Variants in CACNA1G observed in about 807,000 individuals in gnomAD.
The protein encoded by CACNA1G is voltage-dependent T-type calcium channel subunit alpha-1G.
A neutral mutation model predicts 219.4 loss-of-function variants in CACNA1G; 67 were observed. That is an observed-to-expected ratio of 0.31 (90% CI 0.25 to 0.37). CACNA1G has a LOEUF of 0.37. CACNA1G is among the 10% of genes least tolerant of loss of function. CACNA1G has a pLI of 1.00. For missense variants in CACNA1G, 2,380 were observed against 3,231.4 expected (o/e 0.74, Z 6.39); for synonymous variants, 1,296 against 1,345.3 (o/e 0.96, Z 0.80).
intron 1 of CACNA1G, among the ~76,000 whole-genome samples, chr17:50,567,293 G>A (rs2144559460): frequency 6.6e-6 from 1 of 152,294 alleles, no homozygotes; most frequent in Admixed American, 6.5e-5. Flanking sequence ...AAACTGCAGT[G>A]CATTAGGACT....
intron 5 of CACNA1G, among the ~76,000 whole-genome samples, chr17:50,572,293 G>A (rs1366966446): frequency 6.6e-6 from 1 of 152,144 alleles, no homozygotes; most frequent in African/African-American, 2.4e-5. Context: ...AACCCCTCCA[G>A]TGATCCTAAC....
rs776010942 is a variant in CACNA1G, at chr17:50,616,369, G to A, written c.5006G>A (p.Arg1669Gln). The change falls in exon 28 of 38, where the codon CGG becomes CAG. Residue 1669 changes from arginine (R) to glutamine (Q), a missense_variant. Transcript: ENST00000359106. ...VFKLVAFGFR[R>Q]FFQDRWNQLD... is the part of the protein sequence containing the mutation. ...AAACTTGTGGCCTTTGGTTTCCGTC[G>A]GTTCTTCCAGGACAGGTAACGGAGA... The A allele has an allele frequency of 6.8e-6, 11 of 1,608,804 alleles. No individual in the cohort carries two copies. The highest frequency in any genetic ancestry group is 9.4e-6 in the Non-Finnish European group (11 of 1,175,332).
Position 50,607,820 on chromosome 17 carries a change from C to T in CACNA1G, c.4513-7C>T, listed in dbSNP as rs773617865. The T allele has an allele frequency of 6.8e-6, 11 of 1,612,842 alleles. No homozygotes were observed. In the Admixed American group the frequency reaches 1.3e-4, roughly 20 times the overall value. Reference sequence around the variant, plus strand: ...TGCCTCCGCCTGTCCTTCCTGCTCCCCGCCAGCCCATCATGAACCACAACC... The same window carrying T: ...TGCCTCCGCCTGTCCTTCCTGCTCCTCGCCAGCCCATCATGAACCACAACC... On this transcript the variant is annotated splice_region_variant and splice_polypyrimidine_tract_variant and intron_variant, in intron 24 of 37. Transcript: ENST00000359106.
intron 26 of CACNA1G, among the ~76,000 whole-genome samples, chr17:50,614,669 A>T (rs1344291308): frequency 1.3e-5 from 2 of 152,232 alleles, no homozygotes; most frequent in Non-Finnish European, 2.9e-5. Context: ...ACCCAGGAGC[A>T]GGCTGGGCAG....
At chr17:50,583,941 C>T (rs541535923) in intron 9 of CACNA1G, among the ~76,000 whole-genome samples, 1 of 152,126 alleles carries the variant, frequency 6.6e-6, no homozygotes, top group South Asian at 2.1e-4. Context: ...GCTATGGGAA[C>T]GAGGGGTTGT....
At chr17:50,569,426 T>C (rs1346857131) in intron 3 of CACNA1G, 128 bp downstream of exon 3, 5 of 988,230 alleles carry the variant, frequency 5.1e-6, no homozygotes, top group Non-Finnish European at 7.6e-6. Flanking sequence ...GGCTATCTCC[T>C]GAGGGTCTGA....
chr17:50,600,876 C>G lies in CACNA1G; in HGVS notation c.3791+50C>G, dbSNP rs568614947. The G allele has an allele frequency of 6.3e-7, 1 of 1,577,472 alleles. No homozygotes were observed. The highest frequency in any genetic ancestry group is 1.3e-5 in the African/African-American group (1 of 74,406). ...CCTGTGTCCCGACCTCTTCTTCTCA[C>G]GGGAAATTACCGCTGGTGATGCTGT... On this transcript the variant is annotated intron_variant, in intron 18 of 37. Transcript: ENST00000359106. This position sits in a 1 kb window ranked among gnomAD's most constrained non-coding sequence, Gnocchi z 4.1.
At chr17:50,604,954 C>G (rs1406983044) in intron 22 of CACNA1G, among the ~76,000 whole-genome samples, 2 of 152,186 alleles carry the variant, frequency 1.3e-5, no homozygotes, top group Non-Finnish European at 2.9e-5. Context: ...CCCTCCCCGC[C>G]CCTCGTTCCC....
At position 50,596,522 on chromosome 17, in the gene CACNA1G, C is replaced by G. The variant is rs755901912; in HGVS notation, c.2980-40C>G. On this transcript the variant is annotated intron_variant, in intron 14 of 37. Coordinates refer to ENST00000359106, the MANE Select transcript of CACNA1G (RefSeq NM_018896.5). This position sits in a 1 kb window ranked among gnomAD's most constrained non-coding sequence, Gnocchi z 4.8. The stretch of plus-strand genomic sequence containing the variant: ...CCCGGTCCATCCCAACCACCCAAGC[C>G]TGGCCGGATCCCTAATGGTCCGCTG... The G allele has an allele frequency of 3.2e-6, 5 of 1,574,660 alleles. No individual in the cohort carries two copies. The highest frequency in any genetic ancestry group is 4.4e-6 in the Non-Finnish European group (5 of 1,144,538).
chr17:50,616,417 C>T (rs767095771), intron 28 of CACNA1G, 33 bp downstream of exon 28: 11 of 1,271,160 alleles, frequency 8.7e-6, no homozygotes, highest in South Asian at 3.6e-5. Context: ...TGGGGACTTG[C>T]GTAGAGATAG....
chr17:50,606,574 A>T (rs145247213), intron 23 of CACNA1G: 1 of 544,340 alleles, frequency 1.8e-6, no homozygotes, highest in African/African-American at 1.9e-5. Context: ...GCAGAAACAG[A>T]AATGCAGAAA....
chr17:50,579,054 G>C (rs1419844974), intron 9 of CACNA1G, among the ~76,000 whole-genome samples: 1 of 152,118 alleles, frequency 6.6e-6, no homozygotes, highest in Non-Finnish European at 1.5e-5. Context: ...TGGAATGAAG[G>C]CCTGTTGGGG....
intron 10 of CACNA1G, among the ~76,000 whole-genome samples, chr17:50,591,227 G>A (rs187414082): frequency 3.1e-4 from 47 of 152,338 alleles, no homozygotes; most frequent in Admixed American, 2.5e-3. Flanking sequence ...TCTCTGGCAG[G>A]GAGGAGAGGG....
intron 11 of CACNA1G, 46 bp downstream of exon 11, chr17:50,591,666 G>A (rs1372477813): frequency 1.4e-5 from 22 of 1,608,436 alleles, no homozygotes; most frequent in South Asian, 5.5e-5. Context: ...CGGCCAGGCT[G>A]GGGGCAGGAG....
At chr17:50,573,161 C>T (rs1171013443) in intron 7 of CACNA1G, 48 bp downstream of exon 7, 19 of 1,350,382 alleles carry the variant, frequency 1.4e-5, no homozygotes, top group Non-Finnish European at 1.8e-5. Flanking sequence ...CCTGGGGACA[C>T]CTGTGGGGGC....
chr17:50,561,621 G>C lies in CACNA1G; in HGVS notation c.162G>C (p.Pro54=), dbSNP rs775655822. 3 of 1,598,160 alleles carry C rather than the reference G, an allele frequency of 1.9e-6. No homozygotes were observed. The South Asian group carries it at 3.4e-5, about 18-fold the overall frequency. The change falls in exon 1 of 38, where the codon CCG becomes CCC. Residue 54 remains proline (P), a synonymous_variant. Coordinates refer to ENST00000359106, the MANE Select transcript of CACNA1G (RefSeq NM_018896.5). ...ADSEAEGLPY[P]ALAPVVFFYL... is the part of the protein sequence containing the mutation. ...CCGAGGCGGAGGGGCTGCCGTACCC[G>C]GCGCTGGCCCCGGTGGTTTTCTTCT...
intron 9 of CACNA1G, among the ~76,000 whole-genome samples, chr17:50,585,493 G>T (rs1399801964): frequency 6.6e-6 from 1 of 152,174 alleles, no homozygotes; most frequent in East Asian, 1.9e-4. Flanking sequence ...GGTGCTGGTG[G>T]GGGGAATAAG....
At chr17:50,619,636 C>T in intron 33 of CACNA1G, 47 bp from the exon 34 acceptor site, 1 of 1,577,574 alleles carries the variant, frequency 6.3e-7, no homozygotes, top group Admixed American at 1.8e-5. Flanking sequence ...GCCCTCTGAC[C>T]CCTGCTCCCC....
In CACNA1G at chr17:50,576,827, G is replaced by A. The variant is rs117834876; in HGVS notation, c.1924+501G>A. Among the ~76,000 whole-genome samples, 18 of 152,368 alleles carry A rather than the reference G, an allele frequency of 1.2e-4. No individual in the cohort carries two copies. In the East Asian group the frequency reaches 1.9e-3, roughly 16 times the overall value. Reference sequence around the variant, plus strand: ...TTGTGAGGCTCAGAGAGGAAATGGTGTGTGACTGTGCCCAGCTTCATGCCC... The same window carrying A: ...TTGTGAGGCTCAGAGAGGAAATGGTATGTGACTGTGCCCAGCTTCATGCCC... On this transcript the variant is annotated intron_variant, in intron 8 of 37. Transcript: ENST00000359106.
Sources: gnomAD v4.1 joint callset for allele counts (sites outside exome capture counted in the v4.1 genomes callset) on GRCh38, gnomAD v4.1.1 for gene constraint, Gnocchi (gnomAD v3.1) non-coding constraint, MANE v1.5 for transcripts, NCBI Gene and HGNC (gene_info 2026-07-23, HGNC 2026-07-21) for gene names.